Variants in SORCS1 observed in about 807,000 individuals in gnomAD.
The protein encoded by SORCS1 is sortilin related VPS10 domain containing receptor 1, also known as VPS10 domain-containing receptor SorCS1.
SORCS1 carries 60 observed loss-of-function variants against 146.1 expected under a neutral mutation model. The observed-to-expected ratio is 0.41, with a 90% CI of 0.33 to 0.51. The LOEUF (loss-of-function observed/expected upper bound fraction) is 0.51, where lower values mean the gene tolerates loss of function less well. SORCS1 is among the 20% of genes least tolerant of loss of function. The pLI, the probability that SORCS1 is intolerant of heterozygous loss-of-function variation, is 0.21. For synonymous variants in SORCS1, 637 were observed against 584.0 expected, an observed-to-expected ratio of 1.09 and a Z score of -1.31; for missense variants, 1,352 against 1,487.6, an observed-to-expected ratio of 0.91 and a Z score of 1.50.
intron 6 of SORCS1, among the ~76,000 whole-genome samples, chr10:106,727,134 G>C (rs1856260204): frequency 6.6e-6 from 1 of 151,776 alleles, no homozygotes. Context: ...GGCCCCTACT[G>C]AATTACAATG....
intron 12 of SORCS1, 25 bp downstream of exon 12, chr10:106,679,231 G>A (rs763120796): frequency 4.4e-6 from 7 of 1,584,204 alleles, no homozygotes; most frequent in South Asian, 1.1e-5. Flanking sequence ...AAACTTCAGC[G>A]ATTTGACCCA....
At chr10:107,152,165 T>C (rs981512488) in intron 1 of SORCS1, among the ~76,000 whole-genome samples, 1 of 152,134 alleles carries the variant, frequency 6.6e-6, no homozygotes, top group Non-Finnish European at 1.5e-5. Flanking sequence ...AGCTTTCACA[T>C]GGTGTTAGCC....
At chr10:107,114,139 T>C (rs759590712) in intron 1 of SORCS1, among the ~76,000 whole-genome samples, 8 of 152,054 alleles carry the variant, frequency 5.3e-5, no homozygotes, top group African/African-American at 1.7e-4. Context: ...GTGAGAAGAT[T>C]GAATCAGTAA....
chr10:106,597,391 T>C lies in SORCS1; in HGVS notation c.3225A>G (p.Pro1075=), dbSNP rs1845970290. The change falls in exon 24 of 26, where the codon CCA becomes CCG. Residue 1075 remains proline, a synonymous_variant. Transcript: ENST00000263054. ...CAGCATGGACAAGGACTCGGACTCC[T>C]GGCTTCAGCTCGAAGTGTACTGAGT... ...NQNSVHFELK[P]GVRVLVHAAH... is the part of the protein sequence containing the mutation. 6.2e-7 allele frequency: 1 copy of C among 1,614,034 alleles called. No individual in the cohort carries two copies. The highest frequency in any genetic ancestry group is 8.5e-7 in the Non-Finnish European group (1 of 1,179,910).
At position 106,699,343 on chromosome 10, in the gene SORCS1, T is replaced by C. The variant is rs753043519; in HGVS notation, c.1284A>G (p.Gln428=). 57 of 1,613,942 alleles carry C rather than the reference T, an allele frequency of 3.5e-5. No homozygotes were observed. The highest frequency in any genetic ancestry group is 3.1e-4 in the East Asian group (14 of 44,864). ...TDENQVFAAV[Q]EWNQNDTYNL... is the part of the protein sequence containing the mutation. ...TGTACGTGTCATTCTGGTTCCATTCTTGGACCGCTGCGAACACCTGATTCT... is the reference window on the plus strand; with the variant it reads ...TGTACGTGTCATTCTGGTTCCATTCCTGGACCGCTGCGAACACCTGATTCT... The change falls in exon 9 of 26, where the codon CAA becomes CAG. Residue 428 remains glutamine (Q), a synonymous_variant. Transcript: ENST00000263054.
At chr10:106,919,515 T>C (rs955274460) in intron 2 of SORCS1, among the ~76,000 whole-genome samples, 2 of 152,206 alleles carry the variant, frequency 1.3e-5, no homozygotes, top group Non-Finnish European at 2.9e-5. Flanking sequence ...TGCTTCATTA[T>C]CAGATACCTT....
chr10:106,968,380 T>A (rs1437054412), intron 1 of SORCS1, among the ~76,000 whole-genome samples: 1 of 152,218 alleles, frequency 6.6e-6, no homozygotes, highest in African/African-American at 2.4e-5. Context: ...GTCTGAATTA[T>A]AGACACTATC....
chr10:106,605,060 A>G (rs1335970001), intron 23 of SORCS1, among the ~76,000 whole-genome samples: 1 of 152,242 alleles, frequency 6.6e-6, no homozygotes, highest in Non-Finnish European at 1.5e-5. Flanking sequence ...AACAAAATAG[A>G]CAGACTCTTC....
Position 106,699,293 on chromosome 10 carries a change from C to A in SORCS1, c.1334G>T (p.Gly445Val). ...CTCCAAGGCCAGGGTGAAGTAGACA[C>A]CACGTGTGTCTGAGATGTAGAGGTT... ...TYNLYISDTR[G>V]VYFTLALENV... The change falls in exon 9 of 26, where the codon GGT becomes GTT. Residue 445 changes from glycine (G) to valine (V), a missense_variant. Transcript: ENST00000263054. The A allele has an allele frequency of 6.2e-7, 1 of 1,614,072 alleles. No homozygotes were observed. The highest frequency in any genetic ancestry group is 8.5e-7 in the Non-Finnish European group (1 of 1,179,936).
intron 1 of SORCS1, among the ~76,000 whole-genome samples, chr10:107,078,007 G>T (rs575962464): frequency 6.6e-6 from 1 of 152,256 alleles, no homozygotes; most frequent in Admixed American, 6.5e-5. Flanking sequence ...CATCTGTTAA[G>T]TGGAATTGTT....
intron 3 of SORCS1, among the ~76,000 whole-genome samples, chr10:106,788,875 G>T (rs539241435): frequency 6.6e-6 from 1 of 152,302 alleles, no homozygotes; most frequent in South Asian, 2.1e-4. Flanking sequence ...TCTGTGTGGG[G>T]GCACTGACCC....
chr10:106,667,565 A>C, intron 17 of SORCS1, 124 bp downstream of exon 17: 1 of 624,358 alleles, frequency 1.6e-6, no homozygotes, highest in Admixed American at 2.8e-5. Context: ...AAATGAACAA[A>C]AGCAATTACA....
intron 1 of SORCS1, among the ~76,000 whole-genome samples, chr10:107,118,413 G>GC (rs1327063565): frequency 2.4e-4 from 37 of 152,204 alleles, no homozygotes; most frequent in African/African-American, 8.4e-4. Flanking sequence ...TAGACAGTTT[G>GC]CAGTAAATCC....
chr10:107,065,709 G>T (rs1307254956), intron 1 of SORCS1, among the ~76,000 whole-genome samples: 5 of 151,848 alleles, frequency 3.3e-5, no homozygotes. Context: ...GCAGAGATGG[G>T]GTTTCTCTAT....
intron 1 of SORCS1, among the ~76,000 whole-genome samples, chr10:106,992,408 C>T (rs1956803403): frequency 6.6e-6 from 1 of 152,068 alleles, no homozygotes; most frequent in African/African-American, 2.4e-5. Flanking sequence ...AACATTTTTT[C>T]CAAGATGGAA....
intron 3 of SORCS1, among the ~76,000 whole-genome samples, chr10:106,818,540 A>T (rs1215216273): frequency 6.6e-6 from 1 of 151,952 alleles, no homozygotes; most frequent in Non-Finnish European, 1.5e-5. Context: ...AAATTTTTGT[A>T]TTTTTAATAG....
chr10:106,640,273 G>T (rs1848989959), intron 18 of SORCS1, among the ~76,000 whole-genome samples: 1 of 152,148 alleles, frequency 6.6e-6, no homozygotes, highest in Non-Finnish European at 1.5e-5. Context: ...GCTCCCATAA[G>T]TCTTTCAATG....
intron 1 of SORCS1, among the ~76,000 whole-genome samples, chr10:107,138,885 G>A (rs943886411): frequency 3.3e-5 from 5 of 152,114 alleles, no homozygotes; most frequent in Admixed American, 2.0e-4. Flanking sequence ...ACAAATGTTC[G>A]TTGCTTCAAG....
chr10:107,023,811 T>C (rs1211207924), intron 1 of SORCS1, among the ~76,000 whole-genome samples: 2 of 152,150 alleles, frequency 1.3e-5, no homozygotes, highest in African/African-American at 2.4e-5. Context: ...AGCTTTCAAA[T>C]GTGTGGTCAG....
Sources: gnomAD v4.1 joint callset for allele counts (sites outside exome capture counted in the v4.1 genomes callset) on GRCh38, gnomAD v4.1.1 for gene constraint, MANE v1.5 for transcripts, NCBI Gene and HGNC (gene_info 2026-07-23, HGNC 2026-07-21) for gene names.